Variants in ZNF385B observed in about 807,000 individuals in gnomAD.
ZNF385B encodes zinc finger protein 533.
ZNF385B carries 23 observed loss-of-function variants against 39.2 expected under a neutral mutation model. The observed-to-expected ratio is 0.59, with a 90% CI of 0.42 to 0.83. ZNF385B has a LOEUF of 0.83. Among genes scored for constraint, ZNF385B ranks in the 40% least tolerant of loss-of-function variants. The pLI, the probability that ZNF385B is intolerant of heterozygous loss-of-function variation, is 0.00. For synonymous variants in ZNF385B, 205 were observed against 222.6 expected (o/e 0.92, Z 0.70); for missense variants, 552 against 598.9 (o/e 0.92, Z 0.82).
chr2:179,738,038 AC>A (rs1481352647), intron 3 of ZNF385B, among the ~76,000 whole-genome samples: 2 of 152,162 alleles, frequency 1.3e-5, no homozygotes, highest in Non-Finnish European at 2.9e-5. Context: ...GATCTATCCA[AC>A]CCTTAAACCT....
chr2:179,654,461 A>G (rs1693533956), intron 3 of ZNF385B, among the ~76,000 whole-genome samples: 1 of 152,156 alleles, frequency 6.6e-6, no homozygotes, highest in African/African-American at 2.4e-5. Flanking sequence ...ACGTAGGAAC[A>G]GAGGGAAGCA....
At chr2:179,819,803 T>C (rs1208712493) in intron 1 of ZNF385B, among the ~76,000 whole-genome samples, 1 of 152,166 alleles carries the variant, frequency 6.6e-6, no homozygotes, top group Non-Finnish European at 1.5e-5. Flanking sequence ...TGTTGTCAAA[T>C]TCTATTATTA....
chr2:179,537,977 C>T (rs943399643), intron 4 of ZNF385B, among the ~76,000 whole-genome samples: 37 of 151,878 alleles, frequency 2.4e-4, no homozygotes, highest in Non-Finnish European at 7.4e-5. Flanking sequence ...TTTTGAGTAA[C>T]CATGGAAAAT....
intron 4 of ZNF385B, among the ~76,000 whole-genome samples, chr2:179,523,292 G>T (rs1168280620): frequency 7.1e-6 from 1 of 140,662 alleles, no homozygotes; most frequent in African/African-American, 2.6e-5. Flanking sequence ...ATCAAAATAA[G>T]AACAATTTTT....
intron 3 of ZNF385B, among the ~76,000 whole-genome samples, chr2:179,700,982 C>T (rs1699152094): frequency 6.6e-6 from 1 of 152,152 alleles, no homozygotes; most frequent in South Asian, 2.1e-4. Context: ...CACTGCACTC[C>T]AGCCTGGGCG....
At chr2:179,756,208 G>A (rs1438554470) in intron 3 of ZNF385B, among the ~76,000 whole-genome samples, 1 of 152,034 alleles carries the variant, frequency 6.6e-6, no homozygotes, top group African/African-American at 2.4e-5. Flanking sequence ...TTGCTTGTCT[G>A]TAAAGGATTT....
At chr2:179,464,654 T>C (rs1319367154) in intron 6 of ZNF385B, among the ~76,000 whole-genome samples, 1 of 152,116 alleles carries the variant, frequency 6.6e-6, no homozygotes, top group Non-Finnish European at 1.5e-5. Flanking sequence ...GATCAGATAG[T>C]TGTAGATGTG....
At chr2:179,616,999 C>A (rs1689805402) in intron 3 of ZNF385B, among the ~76,000 whole-genome samples, 1 of 152,136 alleles carries the variant, frequency 6.6e-6, no homozygotes. Flanking sequence ...TGACTACAGC[C>A]TTCATATTTC....
chr2:179,616,033 A>G (rs1047941891), intron 3 of ZNF385B, among the ~76,000 whole-genome samples: 1 of 152,208 alleles, frequency 6.6e-6, no homozygotes, highest in Non-Finnish European at 1.5e-5. Context: ...CATCTTGGAG[A>G]TCTGATAAAT....
chr2:179,845,677 GACCC>G (rs1459254478), intron 1 of ZNF385B, among the ~76,000 whole-genome samples: 22 of 152,164 alleles, frequency 1.4e-4, no homozygotes, highest in African/African-American at 5.3e-4. Flanking sequence ...GTGTACACAT[GACCC>G]TTTCAGATGG....
At chr2:179,630,413 A>C (rs1691090838) in intron 3 of ZNF385B, among the ~76,000 whole-genome samples, 1 of 152,230 alleles carries the variant, frequency 6.6e-6, no homozygotes, top group Non-Finnish European at 1.5e-5. Context: ...ATGCCAACAG[A>C]TCTGCAGCTG....
intron 3 of ZNF385B, among the ~76,000 whole-genome samples, chr2:179,648,251 C>G (rs1692908580): frequency 6.6e-6 from 1 of 151,942 alleles, no homozygotes; most frequent in South Asian, 2.1e-4. Flanking sequence ...GAGGAGGCAT[C>G]TAATAAGGAA....
At chr2:179,669,801 T>C (rs1253647776) in intron 3 of ZNF385B, among the ~76,000 whole-genome samples, 1 of 152,190 alleles carries the variant, frequency 6.6e-6, no homozygotes. Context: ...AAACTTCTTT[T>C]AGGTACTGAA....
intron 3 of ZNF385B, among the ~76,000 whole-genome samples, chr2:179,737,852 T>C (rs931560126): frequency 3.9e-5 from 6 of 152,174 alleles, no homozygotes; most frequent in African/African-American, 1.4e-4. Context: ...ACAGCTAAAT[T>C]GTGGTGGAGC....
At chr2:179,575,830 T>TA (rs1363206203) in intron 3 of ZNF385B, among the ~76,000 whole-genome samples, 3 of 152,150 alleles carry the variant, frequency 2.0e-5, no homozygotes, top group Admixed American at 6.6e-5. Context: ...TTTTAGTTTA[T>TA]ATTCTTGACC....
At chr2:179,625,700 A>G (rs13028491) in intron 3 of ZNF385B, among the ~76,000 whole-genome samples, 39,525 of 152,032 alleles carry the variant, frequency 0.26, 5,354 homozygotes, top group Admixed American at 0.32. Context: ...TGTAATTGAG[A>G]TAATAGGGCT....
At chr2:179,738,367 T>C (rs999284863) in intron 3 of ZNF385B, among the ~76,000 whole-genome samples, 2 of 152,196 alleles carry the variant, frequency 1.3e-5, no homozygotes, top group Non-Finnish European at 2.9e-5. Context: ...GGCCCTCCTC[T>C]GCATTTCACC....
intron 3 of ZNF385B, among the ~76,000 whole-genome samples, chr2:179,736,672 T>C (rs1701778300): frequency 2.0e-5 from 3 of 152,186 alleles, no homozygotes; most frequent in Non-Finnish European, 4.4e-5. Context: ...AGAAACACTT[T>C]AAAACTTTAT....
At chr2:179,792,668 C>T (rs1032659219) in intron 1 of ZNF385B, among the ~76,000 whole-genome samples, 1 of 152,054 alleles carries the variant, frequency 6.6e-6, no homozygotes, top group African/African-American at 2.4e-5. Context: ...AGCCACCACG[C>T]CCGGCCCATT....
Sources: allele counts gnomAD v4.1 joint callset (sites outside exome capture counted in the v4.1 genomes callset), GRCh38; gene constraint gnomAD v4.1.1; transcripts MANE v1.5; gene names NCBI Gene and HGNC (gene_info 2026-07-23, HGNC 2026-07-21).